Variants in ATXN10 observed in about 807,000 individuals in gnomAD.
ATXN10 encodes ataxin-10.
A neutral mutation model predicts 52.9 loss-of-function variants in ATXN10; 28 were observed. The observed-to-expected ratio is 0.53, with a 90% CI of 0.39 to 0.73. The LOEUF is 0.73. Among genes scored for constraint, ATXN10 ranks in the 30% least tolerant of loss-of-function variants. ATXN10 has a pLI of 0.00. For synonymous variants in ATXN10, 226 were observed against 221.5 expected, an observed-to-expected ratio of 1.02 and a Z score of -0.18; for missense variants, 565 against 577.0, an observed-to-expected ratio of 0.98 and a Z score of 0.21.
Position 45,684,063 on chromosome 22 carries a change from T to C in ATXN10, c.117-5649T>C, listed in dbSNP as rs750319037. 2.6e-5 allele frequency among the ~76,000 whole-genome samples: 4 copies of C among 152,138 alleles called. No homozygotes were observed. Among genetic ancestry groups the C allele is most frequent in the Non-Finnish European group, 5.9e-5 (4 of 68,030 alleles). ...AACTCCTGGGTTCAAGCAGTCCTTC[T>C]GCATCAGGCTCCCAAGTAGCTGGGA... On this transcript the variant is annotated intron_variant, in intron 1 of 11. Coordinates refer to ENST00000252934, the MANE Select transcript of ATXN10 (RefSeq NM_013236.4). This position sits in a 1 kb window ranked among gnomAD's most constrained non-coding sequence, Gnocchi z 4.1.
At chr22:45,694,014 A>C (rs1374786134) in intron 3 of ATXN10, among the ~76,000 whole-genome samples, 1 of 152,198 alleles carries the variant, frequency 6.6e-6, no homozygotes, top group African/African-American at 2.4e-5. Flanking sequence ...TGATTCAAAC[A>C]GTGACCAAAA....
intron 1 of ATXN10, chr22:45,672,814 G>T (rs117899634): frequency 0.04 from 6,050 of 152,586 alleles, 161 homozygotes; most frequent in Middle Eastern, 0.071. Context: ...GACAGTTGTG[G>T]ATTTGGTTCC....
At chr22:45,806,906 C>CT in intron 9 of ATXN10, 53 bp from the exon 10 acceptor site, 5 of 1,359,486 alleles carry the variant, frequency 3.7e-6, no homozygotes, top group Non-Finnish European at 5.3e-6. Flanking sequence ...TCTGTAATCT[C>CT]TGACTATAGC....
At chr22:45,755,531 G>T (rs932395838) in intron 9 of ATXN10, among the ~76,000 whole-genome samples, 4 of 152,042 alleles carry the variant, frequency 2.6e-5, no homozygotes, top group Non-Finnish European at 5.9e-5. Flanking sequence ...TAAGTTCTGG[G>T]GTTGGTTACT....
Position 45,712,421 on chromosome 22 carries a change from T to G in ATXN10, c.648-5992T>G, listed in dbSNP as rs76655640. 1.9e-3 allele frequency among the ~76,000 whole-genome samples: 292 copies of G among 152,282 alleles called. No homozygotes were observed. Among genetic ancestry groups the G allele is most frequent in the Middle Eastern group, 6.8e-3 (2 of 294 alleles). On this transcript the variant is annotated intron_variant, in intron 5 of 11. Coordinates refer to ENST00000252934, the MANE Select transcript of ATXN10 (RefSeq NM_013236.4). This position sits in a 1 kb window ranked among gnomAD's most constrained non-coding sequence, Gnocchi z 4.6. ...TTAATTTCTTTGATTTTTGTTGGAGTTGAATTCTGATACATTATTACTGGA... is the reference window on the plus strand; with the variant it reads ...TTAATTTCTTTGATTTTTGTTGGAGGTGAATTCTGATACATTATTACTGGA...
intron 5 of ATXN10, among the ~76,000 whole-genome samples, chr22:45,710,483 A>T (rs1458235381): frequency 6.6e-6 from 1 of 152,152 alleles, no homozygotes; most frequent in Non-Finnish European, 1.5e-5. Flanking sequence ...GTTTAATAGC[A>T]CTTACCACTA....
intron 2 of ATXN10, 140 bp from the exon 3 acceptor site, chr22:45,692,856 G>A (rs1202327749): frequency 5.4e-6 from 4 of 736,754 alleles, no homozygotes; most frequent in East Asian, 2.7e-5. Context: ...TATTTTTCCT[G>A]TAAAGAGCCA....
chr22:45,832,026 C>T (rs930272970), intron 10 of ATXN10, among the ~76,000 whole-genome samples: 2 of 152,198 alleles, frequency 1.3e-5, no homozygotes, highest in African/African-American at 2.4e-5. Context: ...TGCCCAAAGC[C>T]GTGCGGCTTG....
Position 45,769,922 on chromosome 22 carries a change from A to G in ATXN10, c.1173+29384A>G, listed in dbSNP as rs1926717442. On this transcript the variant is annotated intron_variant, in intron 9 of 11. Coordinates refer to ENST00000252934, the MANE Select transcript of ATXN10 (RefSeq NM_013236.4). The surrounding 1 kb of genome is among the most constrained non-coding windows in gnomAD (Gnocchi z 4.2). Reference sequence around the variant, plus strand: ...AACATGTTGGTTGAATAAAAATTAAATGTTACCACAAGTATTTTGTCACTC... The same window carrying G: ...AACATGTTGGTTGAATAAAAATTAAGTGTTACCACAAGTATTTTGTCACTC... 6.6e-6 allele frequency among the ~76,000 whole-genome samples: 1 copy of G among 152,274 alleles called. No individual in the cohort carries two copies. The highest frequency in any genetic ancestry group is 2.1e-4 in the South Asian group (1 of 4,836).
intron 1 of ATXN10, chr22:45,676,346 G>A (rs1228874062): frequency 2.0e-5 from 3 of 149,750 alleles, no homozygotes; most frequent in Non-Finnish European, 3.0e-5. Flanking sequence ...AAAGTGTAGA[G>A]CCAGGTGAGA....
chr22:45,782,271 C>T (rs1409665777), intron 9 of ATXN10, among the ~76,000 whole-genome samples: 2 of 152,122 alleles, frequency 1.3e-5, no homozygotes, highest in East Asian at 3.9e-4. Context: ...GGTGTTTTTG[C>T]TAAATATATT....
At chr22:45,814,370 T>G (rs1406343141) in intron 10 of ATXN10, among the ~76,000 whole-genome samples, 1 of 152,220 alleles carries the variant, frequency 6.6e-6, no homozygotes, top group Non-Finnish European at 1.5e-5. Flanking sequence ...ATGGAATGAA[T>G]TCAGCATCAG....
chr22:45,827,129 CCACACACACACACACA>C (rs57068887), intron 10 of ATXN10, among the ~76,000 whole-genome samples: 53 of 146,706 alleles, frequency 3.6e-4, no homozygotes, highest in African/African-American at 9.5e-4. Context: ...CCCATGGTAA[CCACACACACACACACA>C]CACACACACA....
rs1347793297 is a variant in ATXN10, at chr22:45,687,523, AAG to A, written c.117-2184_117-2183del. 4.6e-5 allele frequency among the ~76,000 whole-genome samples: 7 copies of A among 152,322 alleles called. No individual in the cohort carries two copies. In the East Asian group the frequency reaches 1.3e-3, roughly 29 times the overall value. The stretch of plus-strand genomic sequence containing the variant: ...ACATTCTTAGTCATCTCAGTAGGAA[AAG>A]AGAGGCGTTATTGAAGCTTATTCAA... On this transcript the variant is annotated intron_variant, in intron 1 of 11. Coordinates refer to ENST00000252934, the MANE Select transcript of ATXN10 (RefSeq NM_013236.4).
chr22:45,729,539 T>G lies in ATXN10; in HGVS notation c.843T>G (p.Asp281Glu), dbSNP rs769181505. ...AGTTGATTGCAAGCACCTTTGTGGATCAGTGCAAGACTGTGCTCAAGCTGG... is the reference window on the plus strand; with the variant it reads ...AGTTGATTGCAAGCACCTTTGTGGAGCAGTGCAAGACTGTGCTCAAGCTGG... ...HAELIASTFV[D>E]QCKTVLKLAS... Residue 281 changes from aspartate to glutamate, a missense_variant, in exon 7 of 12, where the codon GAT (aspartate) becomes GAG (glutamate). By Grantham distance (45) the Asp-to-Glu change is conservative (BLOSUM62 2). Coordinates refer to ENST00000252934, the MANE Select transcript of ATXN10 (RefSeq NM_013236.4). 9 of 1,614,026 alleles carry G rather than the reference T, an allele frequency of 5.6e-6. No homozygotes were observed. In the African/African-American group the frequency reaches 8.0e-5, roughly 14 times the overall value.
chr22:45,697,786 A>G (rs1923675658), intron 3 of ATXN10, among the ~76,000 whole-genome samples: 1 of 151,854 alleles, frequency 6.6e-6, no homozygotes, highest in East Asian at 1.9e-4. Context: ...GCCCGCCACC[A>G]CGCCCAGCTA....
Position 45,793,548 on chromosome 22 carries a change from T to G in ATXN10, c.1174-13411T>G, listed in dbSNP as rs550639517. The G allele has an allele frequency of 3.9e-6, 5 of 1,267,388 alleles. No homozygotes were observed. In the East Asian group the frequency reaches 9.0e-5, roughly 23 times the overall value. The allele number at this position is 1,267,388 out of a possible 1,614,324, so 78.5% of individuals were successfully genotyped here. A position where few individuals can be genotyped will look rare whatever the true frequency, so the allele number is the denominator to read the frequency against. On this transcript the variant is annotated intron_variant, in intron 9 of 11. Transcript: ENST00000252934. ...TTTAACAAATAATTCTGTCAAGCTCTTCAATCTTTCTGTGACAAATGACTA... is the reference window on the plus strand; with the variant it reads ...TTTAACAAATAATTCTGTCAAGCTCGTCAATCTTTCTGTGACAAATGACTA...
At chr22:45,831,021 T>C (rs1928975352) in intron 10 of ATXN10, among the ~76,000 whole-genome samples, 2 of 152,138 alleles carry the variant, frequency 1.3e-5, no homozygotes, top group Admixed American at 1.3e-4. Context: ...TACTGAAATA[T>C]GAGTCAGCTT....
rs1002692711 is a variant in ATXN10 at position 45,727,445 on chromosome 22, G to T, written c.729-1980G>T. Among the ~76,000 whole-genome samples the T allele has an allele frequency of 2.0e-5, 3 of 152,042 alleles. No homozygotes were observed. The highest frequency in any genetic ancestry group is 6.6e-5 in the Admixed American group (1 of 15,264). On this transcript the variant is annotated intron_variant, in intron 6 of 11. Coordinates refer to ENST00000252934, the MANE Select transcript of ATXN10 (RefSeq NM_013236.4). The surrounding 1 kb of genome is among the most constrained non-coding windows in gnomAD (Gnocchi z 4.6). Reference sequence around the variant, plus strand: ...ACGATCTTGGCTTACTGTAACCTCTGCCTCCTGGGTTCAAGTGATTCTTCC... The same window carrying T: ...ACGATCTTGGCTTACTGTAACCTCTTCCTCCTGGGTTCAAGTGATTCTTCC...
Sources: gnomAD v4.1 joint callset for allele counts (sites outside exome capture counted in the v4.1 genomes callset) on GRCh38, gnomAD v4.1.1 for gene constraint, Gnocchi (gnomAD v3.1) non-coding constraint, MANE v1.5 for transcripts, NCBI Gene and HGNC (gene_info 2026-07-23, HGNC 2026-07-21) for gene names.